The following HK1 variants were observed in gnomAD, a reference collection of about 807,000 sequenced individuals.
HK1 encodes hexokinase-1.
A neutral mutation model predicts 91.6 loss-of-function variants in HK1; 28 were observed. The ratio of observed to expected loss-of-function variants is 0.31; its 90% confidence interval spans 0.23 to 0.42. HK1 has a LOEUF of 0.42. Ranked by LOEUF, HK1 falls within the 10% of genes least tolerant of loss-of-function variation. HK1 has a pLI of 1.00. For missense variants in HK1, 770 were observed against 1,219.8 expected, an observed-to-expected ratio of 0.63 and a Z score of 5.49; for synonymous variants, 430 against 468.1, an observed-to-expected ratio of 0.92 and a Z score of 1.05.
chr10:69,344,636 G>C lies in HK1; in HGVS notation c.226+647G>C, dbSNP rs115613757. ...GCTCATACCCTGCAGTGGGGCGTTGGGGGAGGGCCCCCTGAGGATTGTCTG... is the reference window on the plus strand; with the variant it reads ...GCTCATACCCTGCAGTGGGGCGTTGCGGGAGGGCCCCCTGAGGATTGTCTG... On this transcript the variant is annotated intron_variant, in intron 2 of 17. Transcript: ENST00000359426. Among the ~76,000 whole-genome samples the C allele has an allele frequency of 8.9e-3, 1,352 of 152,328 alleles. 11 individuals are homozygous for C. The highest frequency in any genetic ancestry group is 0.027 in the African/African-American group (1,104 of 41,564).
intron 2 of HK1, among the ~76,000 whole-genome samples, chr10:69,356,616 G>A (rs920348958): frequency 2.0e-5 from 3 of 152,136 alleles, no homozygotes; most frequent in African/African-American, 4.8e-5. Flanking sequence ...CGGGTGCGGT[G>A]GCTCACGCCT....
chr10:69,308,949 G>A (rs1846229847), intron 5 of HK1, among the ~76,000 whole-genome samples: 1 of 152,068 alleles, frequency 6.6e-6, no homozygotes, highest in African/African-American at 2.4e-5. Context: ...TCCCTAACAG[G>A]CCACAGACCA....
chr10:69,335,522 G>A (rs1045338413), intron 1 of HK1, among the ~76,000 whole-genome samples: 8 of 152,206 alleles, frequency 5.3e-5, no homozygotes, highest in Non-Finnish European at 8.8e-5. Context: ...GCTCTCCCTG[G>A]ACTGAGAGGA....
chr10:69,389,327 A>T, intron 14 of HK1, 31 bp downstream of exon 14: 3 of 1,507,782 alleles, frequency 2.0e-6, no homozygotes, highest in Non-Finnish European at 2.7e-6. Flanking sequence ...CTTTCCCTGC[A>T]GAAGGGAAGG....
chr10:69,387,113 C>T (rs1353710834), intron 13 of HK1, among the ~76,000 whole-genome samples: 1 of 152,104 alleles, frequency 6.6e-6, no homozygotes, highest in Non-Finnish European at 1.5e-5. Context: ...CACAGCCACT[C>T]CGTCCGGGAC....
intron 1 of HK1, among the ~76,000 whole-genome samples, chr10:69,325,588 T>C (rs1847308042): frequency 6.6e-6 from 1 of 150,712 alleles, no homozygotes; most frequent in Non-Finnish European, 1.5e-5. Context: ...TGCAGTGGTG[T>C]GATCTCAGCT....
chr10:69,355,769 G>T (rs1235050444), intron 2 of HK1, among the ~76,000 whole-genome samples: 3 of 152,082 alleles, frequency 2.0e-5, no homozygotes, highest in Non-Finnish European at 4.4e-5. Flanking sequence ...TCCAGCCTGG[G>T]TAGCATTCCA....
chr10:69,278,882 C>G (rs1016546248), intron 1 of HK1: 1 of 152,016 alleles, frequency 6.6e-6, no homozygotes, highest in East Asian at 1.9e-4. Flanking sequence ...AGCTTGCTCT[C>G]CAGTGTTTGG....
intron 1 of HK1, among the ~76,000 whole-genome samples, chr10:69,331,380 C>T (rs1442811409): frequency 6.6e-6 from 1 of 152,250 alleles, no homozygotes; most frequent in Non-Finnish European, 1.5e-5. Flanking sequence ...TTCATAGAAA[C>T]TGTCACCCAA....
chr10:69,365,429 A>G (rs1406903527), intron 4 of HK1, among the ~76,000 whole-genome samples: 1 of 152,142 alleles, frequency 6.6e-6, no homozygotes, highest in Admixed American at 6.5e-5. Flanking sequence ...TCATTCGTTC[A>G]TTCATTCAGC....
intron 1 of HK1, among the ~76,000 whole-genome samples, chr10:69,320,571 C>A (rs1846956937): frequency 6.6e-6 from 1 of 152,202 alleles, no homozygotes; most frequent in Non-Finnish European, 1.5e-5. Flanking sequence ...CCCATTGGAC[C>A]AGGGAGACAG....
At chr10:69,361,940 C>T (rs764330208) in intron 3 of HK1, among the ~76,000 whole-genome samples, 164 of 152,290 alleles carry the variant, frequency 1.1e-3, no homozygotes, top group Non-Finnish European at 1.9e-3. Context: ...GCCTCAGCCT[C>T]CCAAATAGCT....
chr10:69,318,772 G>C (rs5030919), upstream of HK1: 26,252 of 1,267,522 alleles, frequency 0.021, 336 homozygotes, highest in Non-Finnish European at 0.025. Context: ...TCCAGGGGAC[G>C]GGAGCGCGGA....
At chr10:69,304,904 C>A (rs1402768014) in intron 5 of HK1, among the ~76,000 whole-genome samples, 2 of 152,160 alleles carry the variant, frequency 1.3e-5, no homozygotes, top group African/African-American at 4.8e-5. Flanking sequence ...GGCCTGGAGG[C>A]TAGAAGTCCA....
At chr10:69,315,794 A>T (rs1447978720), upstream of HK1, 25 of 731,006 alleles carry the variant, frequency 3.4e-5, no homozygotes. Context: ...CCCAGGTTGC[A>T]TGAGGGGTTG....
rs377131485 is a variant in HK1 at position 69,369,370 on chromosome 10, G to A, written c.691+34G>A. On this transcript the variant is annotated intron_variant, in intron 6 of 17. Transcript: ENST00000359426. This position sits in a 1 kb window ranked among gnomAD's most constrained non-coding sequence, Gnocchi z 4.4. ...TTCCCCTTTGCCCATCCATTTGTTCGGCCCATCTTTCCAGGTGGCTCTGCA... is the reference window on the plus strand; with the variant it reads ...TTCCCCTTTGCCCATCCATTTGTTCAGCCCATCTTTCCAGGTGGCTCTGCA... 3.0e-5 allele frequency: 48 copies of A among 1,613,338 alleles called. No homozygotes were observed. In the African/African-American group the frequency reaches 6.0e-4, roughly 20 times the overall value.
chr10:69,289,773 ATT>A (rs35585147), intron 3 of HK1, among the ~76,000 whole-genome samples: 9,927 of 135,508 alleles, frequency 0.073, 501 homozygotes, highest in African/African-American at 0.15. Flanking sequence ...CACCCGGCCA[ATT>A]TTTTTTTTTT....
intron 15 of HK1, among the ~76,000 whole-genome samples, chr10:69,392,879 A>G (rs892368993): frequency 6.6e-6 from 1 of 152,228 alleles, no homozygotes; most frequent in Non-Finnish European, 1.5e-5. Context: ...AGCAGCACCC[A>G]GCATGAGTCA....
At chr10:69,377,359 C>T (rs1247147396) in intron 8 of HK1, among the ~76,000 whole-genome samples, 1 of 152,010 alleles carries the variant, frequency 6.6e-6, no homozygotes, top group Admixed American at 6.6e-5. Flanking sequence ...CTCCCACCCC[C>T]ATCAGCCCAT....
Sources: allele counts gnomAD v4.1 joint callset (sites outside exome capture counted in the v4.1 genomes callset), GRCh38; gene constraint gnomAD v4.1.1; non-coding constraint Gnocchi (gnomAD v3.1); transcripts MANE v1.5; gene names NCBI Gene and HGNC (gene_info 2026-07-23, HGNC 2026-07-21).